Variants in EDA observed in about 807,000 individuals in gnomAD.
EDA encodes the protein ectodysplasin-A.
EDA carries 2 observed loss-of-function variants against 23.6 expected under a neutral mutation model. The observed-to-expected ratio is 0.08, with a 90% confidence interval of 0.03 to 0.27. The LOEUF (loss-of-function observed/expected upper bound fraction) is 0.27, where lower values mean the gene tolerates loss of function less well. Among genes scored for constraint, EDA ranks in the 10% least tolerant of loss-of-function variants. The pLI, the probability that EDA is intolerant of heterozygous loss-of-function variation, is 1.00. For synonymous variants in EDA, 131 were observed against 132.0 expected, an observed-to-expected ratio of 0.99 and a Z score of 0.05; for missense variants, 229 against 324.2, an observed-to-expected ratio of 0.71 and a Z score of 2.26.
chrX:69,714,974 G>A (rs1424469531), intron 1 of EDA, among the ~76,000 whole-genome samples: 1 of 109,953 alleles, frequency 9.1e-6, no homozygotes, highest in African/African-American at 3.3e-5. Flanking sequence ...GATCAATATG[G>A]GGAAAATTGA....
chrX:69,833,052 C>T (rs1302830055), intron 1 of EDA, among the ~76,000 whole-genome samples: 1 of 111,185 alleles, frequency 9.0e-6, no homozygotes, highest in Admixed American at 9.6e-5. Flanking sequence ...GCCTGATTGC[C>T]CTGGCCAGAA....
At chrX:69,670,072 G>A (rs931981477) in intron 1 of EDA, 4 of 300,129 alleles carry the variant, frequency 1.3e-5, no homozygotes, top group African/African-American at 1.1e-4. Context: ...AGCATTTCTT[G>A]TAGGGCAGGT....
At chrX:69,727,168 C>T (rs2012838925) in intron 1 of EDA, among the ~76,000 whole-genome samples, 1 of 111,571 alleles carries the variant, frequency 9.0e-6, no homozygotes, top group South Asian at 3.8e-4. Flanking sequence ...CAGTGAACTC[C>T]TCTCGACGAC....
At chrX:69,621,751 G>T (rs755675516) in intron 1 of EDA, among the ~76,000 whole-genome samples, 21 of 110,536 alleles carry the variant, frequency 1.9e-4, no homozygotes, top group Admixed American at 1.2e-3. Flanking sequence ...TGTATTTTTT[G>T]TGTGTGTGAG....
At chrX:69,905,458 G>A (rs1221317452) in intron 1 of EDA, among the ~76,000 whole-genome samples, 2 of 110,119 alleles carry the variant, frequency 1.8e-5, no homozygotes, top group Non-Finnish European at 3.8e-5. Context: ...CGAAAACCCA[G>A]AAACTTCCAA....
At chrX:69,879,391 CTCA>C (rs900829983) in intron 1 of EDA, among the ~76,000 whole-genome samples, 1 of 111,706 alleles carries the variant, frequency 9.0e-6, no homozygotes, top group Non-Finnish European at 1.9e-5. Flanking sequence ...CTGTCACATA[CTCA>C]TCACTACTTT....
intron 1 of EDA, among the ~76,000 whole-genome samples, chrX:69,719,104 C>T (rs922130866): frequency 9.0e-6 from 1 of 110,622 alleles, no homozygotes; most frequent in Non-Finnish European, 1.9e-5. Flanking sequence ...TCATAGTATG[C>T]CCTTATATTT....
chrX:69,975,296 A>G (rs2019301413), intron 2 of EDA, among the ~76,000 whole-genome samples: 1 of 111,787 alleles, frequency 8.9e-6, no homozygotes, highest in African/African-American at 3.2e-5. Context: ...AAAAAAGAAT[A>G]AAAGTATGGC....
At chrX:69,796,122 A>G (rs2015537055) in intron 1 of EDA, among the ~76,000 whole-genome samples, 1 of 111,969 alleles carries the variant, frequency 8.9e-6, no homozygotes, top group Admixed American at 9.4e-5. Context: ...ACCAGTGCAC[A>G]TTGCTCTAGA....
intron 1 of EDA, among the ~76,000 whole-genome samples, chrX:69,842,092 G>A (rs1330636030): frequency 8.9e-6 from 1 of 112,128 alleles, no homozygotes; most frequent in African/African-American, 3.2e-5. Context: ...GGGCGGATGA[G>A]TAAGGGAAGC....
chrX:69,683,190 ATTG>A (rs1569295552), intron 1 of EDA, among the ~76,000 whole-genome samples: 1 of 111,390 alleles, frequency 9.0e-6, no homozygotes, highest in African/African-American at 3.3e-5. Context: ...CTTGGCTGTC[ATTG>A]TTGTTATTAT....
At chrX:69,815,524 G>A (rs1049362263) in intron 1 of EDA, among the ~76,000 whole-genome samples, 5 of 111,801 alleles carry the variant, frequency 4.5e-5, no homozygotes, top group Non-Finnish European at 9.4e-5. Flanking sequence ...CAGTCTGGAC[G>A]AGGAAGGGTC....
At chrX:69,766,813 TG>T (rs1156849567) in intron 1 of EDA, among the ~76,000 whole-genome samples, 1 of 112,584 alleles carries the variant, frequency 8.9e-6, no homozygotes, top group East Asian at 2.8e-4. Context: ...TACCCAGTAA[TG>T]GGACTACTGG....
intron 1 of EDA, among the ~76,000 whole-genome samples, chrX:69,802,655 C>T (rs1242653081): frequency 9.0e-6 from 1 of 110,838 alleles, no homozygotes; most frequent in East Asian, 2.8e-4. Context: ...TGTCCTTAGG[C>T]AAGTCACTTT....
At chrX:69,711,305 G>T (rs1237878121) in intron 1 of EDA, among the ~76,000 whole-genome samples, 2 of 111,489 alleles carry the variant, frequency 1.8e-5, no homozygotes, top group Admixed American at 1.9e-4. Context: ...TTATTGATTT[G>T]TCTATGTTGA....
At position 69,922,290 on chromosome X, in the gene EDA, C is replaced by T. The variant is rs192187257; in HGVS notation, c.397-34737C>T. On this transcript the variant is annotated intron_variant, in intron 1 of 7. Transcript: ENST00000374552. ...ATTTGTGTGCAGATTTTTGTGTAAT[C>T]GTAAGTTTCAAATCAGTTGGGTAAA... 2.5e-3 allele frequency among the ~76,000 whole-genome samples: 283 copies of T among 111,822 alleles called. 1 individual carries two copies. Among genetic ancestry groups the T allele is most frequent in the Non-Finnish European group, 2.8e-3 (148 of 53,136 alleles).
chrX:69,907,016 G>T (rs2018189006), intron 1 of EDA, among the ~76,000 whole-genome samples: 1 of 111,655 alleles, frequency 9.0e-6, no homozygotes, highest in Admixed American at 9.5e-5. Context: ...AAGGAAGAAA[G>T]AACTGCTTGG....
intron 6 of EDA, among the ~76,000 whole-genome samples, chrX:70,031,739 A>G (rs1024510489): frequency 8.9e-6 from 1 of 112,357 alleles, no homozygotes; most frequent in Non-Finnish European, 1.9e-5. Context: ...CCAAAACCCA[A>G]TTGGTCCTGC....
intron 1 of EDA, among the ~76,000 whole-genome samples, chrX:69,741,176 G>A (rs1432037316): frequency 9.0e-6 from 1 of 110,651 alleles, no homozygotes; most frequent in Non-Finnish European, 1.9e-5. Flanking sequence ...TGTCTACCAA[G>A]TCTAACACCT....
Sources: gnomAD v4.1 joint callset for allele counts (sites outside exome capture counted in the v4.1 genomes callset) on GRCh38, gnomAD v4.1.1 for gene constraint, MANE v1.5 for transcripts, NCBI Gene and HGNC (gene_info 2026-07-23, HGNC 2026-07-21) for gene names.